Variants in RAB3C observed in about 807,000 individuals in gnomAD.
The protein encoded by RAB3C is RAB3C, member RAS oncogene family, also known as ras-related protein Rab-3C.
A neutral mutation model predicts 26.4 loss-of-function variants in RAB3C; 17 were observed. The ratio of observed to expected loss-of-function variants is 0.64; its 90% CI spans 0.44 to 0.97. The LOEUF is 0.97. Among genes scored for constraint, RAB3C ranks in the 50% least tolerant of loss-of-function variants. The pLI, the probability that RAB3C is intolerant of heterozygous loss-of-function variation, is 0.00. For synonymous variants in RAB3C, 91 were observed against 95.9 expected (o/e 0.95, Z 0.30); for missense variants, 242 against 281.9 (o/e 0.86, Z 1.01).
At chr5:58,730,960 A>G (rs1187413037) in intron 3 of RAB3C, among the ~76,000 whole-genome samples, 4 of 152,106 alleles carry the variant, frequency 2.6e-5, no homozygotes, top group African/African-American at 4.8e-5. Context: ...GCAGGCAAGA[A>G]AGCATGTTCA....
intron 3 of RAB3C, among the ~76,000 whole-genome samples, chr5:58,731,512 G>A (rs1391677527): frequency 2.0e-5 from 3 of 152,108 alleles, no homozygotes; most frequent in South Asian, 2.1e-4. Flanking sequence ...AGAAGAAAAA[G>A]CTTTATGTGC....
intron 2 of RAB3C, among the ~76,000 whole-genome samples, chr5:58,651,510 T>C (rs2111787193): frequency 6.6e-6 from 1 of 152,344 alleles, no homozygotes; most frequent in African/African-American, 2.4e-5. Flanking sequence ...TTATGTATGT[T>C]CTTTTGTTTG....
intron 3 of RAB3C, among the ~76,000 whole-genome samples, chr5:58,729,798 TATACAC>T (rs1279942711): frequency 6.8e-6 from 1 of 146,570 alleles, no homozygotes; most frequent in East Asian, 2.0e-4. Flanking sequence ...TTATATTATA[TATACAC>T]ATATACATAT....
chr5:58,784,966 T>G (rs1355994954), intron 3 of RAB3C, among the ~76,000 whole-genome samples: 3 of 152,238 alleles, frequency 2.0e-5, no homozygotes, highest in African/African-American at 7.2e-5. Context: ...GATGAAAAGC[T>G]AAACTCAACA....
At chr5:58,598,666 T>G (rs980177467) in intron 1 of RAB3C, among the ~76,000 whole-genome samples, 2 of 152,124 alleles carry the variant, frequency 1.3e-5, no homozygotes, top group Non-Finnish European at 2.9e-5. Flanking sequence ...ACAGAACACT[T>G]CTATCTAAAC....
chr5:58,846,476 C>A lies in RAB3C; in HGVS notation c.497-4688C>A, dbSNP rs537406672. ...CTCACTGCAGCCTTGACCTCCCAGGCTCAGTGGTCCTCCCACCTCAGCCTC... is the reference window on the plus strand; with the variant it reads ...CTCACTGCAGCCTTGACCTCCCAGGATCAGTGGTCCTCCCACCTCAGCCTC... On this transcript the variant is annotated intron_variant, in intron 4 of 4. Coordinates refer to ENST00000282878, the MANE Select transcript of RAB3C (RefSeq NM_138453.4). 8.1e-4 allele frequency among the ~76,000 whole-genome samples: 124 copies of A among 152,236 alleles called. 1 individual carries two copies. The highest frequency in any genetic ancestry group is 2.7e-3 in the African/African-American group (113 of 41,548).
At chr5:58,708,404 T>C (rs1373371898) in intron 2 of RAB3C, among the ~76,000 whole-genome samples, 1 of 152,148 alleles carries the variant, frequency 6.6e-6, no homozygotes, top group Admixed American at 6.6e-5. Context: ...AGCATGTAGC[T>C]GGGCTGCTTG....
chr5:58,614,723 C>T (rs1326311157), intron 1 of RAB3C, among the ~76,000 whole-genome samples: 1 of 152,020 alleles, frequency 6.6e-6, no homozygotes, highest in East Asian at 1.9e-4. Flanking sequence ...TAAATGCATA[C>T]AGTCATATTC....
At position 58,627,756 on chromosome 5, in the gene RAB3C, G is replaced by C. The variant is rs16888314; in HGVS notation, c.252+9886G>C. Among the ~76,000 whole-genome samples, 898 of 152,312 alleles carry C rather than the reference G, an allele frequency of 5.9e-3. 18 individuals carry two copies. Among genetic ancestry groups the C allele is most frequent in the African/African-American group, 0.02 (836 of 41,574 alleles). ...GAGATAGCAAATGTGAGCATCACTT[G>C]ATACAAATCACTTTGCTGAAGGTGC... On this transcript the variant is annotated intron_variant, in intron 2 of 4. Transcript: ENST00000282878.
chr5:58,670,165 C>T (rs1748083171), intron 2 of RAB3C, among the ~76,000 whole-genome samples: 1 of 152,102 alleles, frequency 6.6e-6, no homozygotes, highest in African/African-American at 2.4e-5. Context: ...ACACTACTAC[C>T]ACATACATAT....
intron 2 of RAB3C, among the ~76,000 whole-genome samples, chr5:58,646,775 G>A (rs541054933): frequency 2.0e-5 from 3 of 152,202 alleles, no homozygotes; most frequent in African/African-American, 7.2e-5. Flanking sequence ...GCATCTCTAG[G>A]GTGGGTTTTA....
chr5:58,687,181 G>T (rs1748462000), intron 2 of RAB3C, among the ~76,000 whole-genome samples: 1 of 151,988 alleles, frequency 6.6e-6, no homozygotes, highest in Non-Finnish European at 1.5e-5. Flanking sequence ...AAATGATTGT[G>T]GTTTGTTTTG....
intron 1 of RAB3C, among the ~76,000 whole-genome samples, chr5:58,597,560 TTA>T (rs1226122035): frequency 3.3e-5 from 4 of 122,950 alleles, no homozygotes; most frequent in African/African-American, 1.2e-4. Context: ...ATATAGTTCA[TTA>T]TATATAAGCA....
At chr5:58,761,947 A>G (rs1162609294) in intron 3 of RAB3C, among the ~76,000 whole-genome samples, 1 of 152,022 alleles carries the variant, frequency 6.6e-6, no homozygotes, top group African/African-American at 2.4e-5. Context: ...TGTTTAGTAA[A>G]ATAATATTAA....
chr5:58,826,992 C>A (rs2548242), intron 4 of RAB3C, among the ~76,000 whole-genome samples: 83,597 of 151,998 alleles, frequency 0.55, 23,469 homozygotes, highest in Middle Eastern at 0.71. Flanking sequence ...CCACAAGAAC[C>A]CTTCCACCAA....
At chr5:58,650,501 G>A (rs941290868) in intron 2 of RAB3C, among the ~76,000 whole-genome samples, 10 of 152,116 alleles carry the variant, frequency 6.6e-5, no homozygotes, top group African/African-American at 2.4e-4. Flanking sequence ...CAAGTAATAC[G>A]GTTTAACTGG....
chr5:58,613,118 T>C (rs954233400), intron 1 of RAB3C, among the ~76,000 whole-genome samples: 6 of 152,084 alleles, frequency 3.9e-5, no homozygotes, highest in Non-Finnish European at 8.8e-5. Flanking sequence ...TGGTTACATG[T>C]TTTAATCAGA....
intron 1 of RAB3C, among the ~76,000 whole-genome samples, chr5:58,608,715 G>T (rs1290463640): frequency 6.6e-6 from 1 of 152,126 alleles, no homozygotes; most frequent in East Asian, 1.9e-4. Context: ...TATAAATCAT[G>T]CTACTATAAA....
chr5:58,671,499 G>C (rs1267182604), intron 2 of RAB3C, among the ~76,000 whole-genome samples: 1 of 152,062 alleles, frequency 6.6e-6, no homozygotes, highest in African/African-American at 2.4e-5. Flanking sequence ...TCTTGGATTT[G>C]AGACATTTAA....
Sources: gnomAD v4.1 joint callset for allele counts (sites outside exome capture counted in the v4.1 genomes callset) on GRCh38, gnomAD v4.1.1 for gene constraint, MANE v1.5 for transcripts, NCBI Gene and HGNC (gene_info 2026-07-23, HGNC 2026-07-21) for gene names.